FAAH2: variants seen among roughly 807,000 people sequenced by gnomAD.
FAAH2 encodes the protein fatty acid amide hydrolase 2.
In FAAH2, 60 loss-of-function variants were observed where a neutral mutation model predicts 36.9. The ratio of observed to expected loss-of-function variants is 1.63; its 90% confidence interval spans 1.32 to 2.02. FAAH2 has a LOEUF of 2.02. FAAH2 is among the 30% of genes most tolerant of loss of function. The pLI, the probability that FAAH2 is intolerant of heterozygous loss-of-function variation, is 0.00. For missense variants in FAAH2, 689 were observed against 397.5 expected (o/e 1.73, Z -6.23); for synonymous variants, 214 against 143.8 (o/e 1.49, Z -3.49).
chrX:57,397,213 C>T (rs2055327403), intron 7 of FAAH2, among the ~76,000 whole-genome samples: 1 of 111,431 alleles, frequency 9.0e-6, no homozygotes, highest in Non-Finnish European at 1.9e-5. Flanking sequence ...CTTTTTCATC[C>T]AATATGCCAG....
At chrX:57,281,847 T>A (rs2499549), upstream of FAAH2, among the ~76,000 whole-genome samples, 49,902 of 110,511 alleles carry the variant, frequency 0.45, 11,350 homozygotes, top group African/African-American at 0.88. Context: ...GTGATAGTTT[T>A]CTTAGGATAA....
chrX:57,449,258 G>C (rs1340934423), intron 10 of FAAH2, among the ~76,000 whole-genome samples: 1 of 111,979 alleles, frequency 8.9e-6, no homozygotes, highest in African/African-American at 3.2e-5. Context: ...TACTAGGTCA[G>C]TTTCTATGGT....
the FAAH2 span, among the ~76,000 whole-genome samples, chrX:57,231,257 C>T: frequency 9.0e-6 from 1 of 111,038 alleles, no homozygotes; most frequent in East Asian, 2.8e-4. Flanking sequence ...AAGATCAAAA[C>T]TACCCACTCT....
chrX:57,355,598 T>C (rs1002273804), intron 5 of FAAH2, among the ~76,000 whole-genome samples: 7 of 111,176 alleles, frequency 6.3e-5, no homozygotes, highest in Non-Finnish European at 1.3e-4. Flanking sequence ...AGATTGTTCA[T>C]TATTAGTTCA....
intron 8 of FAAH2, among the ~76,000 whole-genome samples, chrX:57,438,870 C>T (rs1420815241): frequency 1.9e-3 from 205 of 106,622 alleles, no homozygotes; most frequent in Middle Eastern, 4.7e-3. Context: ...TTTGTCCTTG[C>T]GATAGTTTGC....
At chrX:57,282,912 G>A (rs2051767009), upstream of FAAH2, among the ~76,000 whole-genome samples, 1 of 112,286 alleles carries the variant, frequency 8.9e-6, no homozygotes, top group South Asian at 3.7e-4. Context: ...CTTGTGGTGA[G>A]CTCATCTTTA....
rs1157271850 is a variant in FAAH2, at chrX:57,378,660, C to G, written c.752C>G (p.Pro251Arg). Residue 251 changes from proline (P) to arginine (R), a missense_variant, in exon 6 of 11, where the codon CCC becomes CGC. Pro to Arg is a moderately radical substitution (Grantham distance 103, BLOSUM62 -2). Transcript: ENST00000374900. ...CTGTCTATCCTTTCAGGTGTGGTTC[C>G]CAACAAAGGTCAGTTTCCCTTGGCT... ...FGHKPSPGVV[P>R]NKGQFPLAVG... The G allele has an allele frequency of 2.5e-6, 3 of 1,210,997 alleles. No homozygotes were observed. The highest frequency in any genetic ancestry group is 3.5e-5 in the African/African-American group (2 of 57,715).
the FAAH2 span, among the ~76,000 whole-genome samples, chrX:57,176,116 T>C: frequency 8.9e-6 from 1 of 111,956 alleles, no homozygotes; most frequent in East Asian, 2.8e-4. Context: ...TGCATGTCTG[T>C]ATCTCTAGCA....
At chrX:57,132,950 G>A in the FAAH2 span, among the ~76,000 whole-genome samples, 4 of 111,900 alleles carry the variant, frequency 3.6e-5, no homozygotes, top group African/African-American at 1.3e-4. Context: ...AAACATGCCA[G>A]GCCTAAACCT....
At chrX:57,349,223 G>T (rs1026368162) in intron 5 of FAAH2, among the ~76,000 whole-genome samples, 2 of 81,654 alleles carry the variant, frequency 2.4e-5, no homozygotes, top group Admixed American at 1.7e-4. Flanking sequence ...ATATATATGT[G>T]TATGTATGTA....
chrX:57,236,734 C>T, the FAAH2 span, among the ~76,000 whole-genome samples: 7 of 110,630 alleles, frequency 6.3e-5, no homozygotes, highest in Non-Finnish European at 1.3e-4. Flanking sequence ...GATTTGAGTT[C>T]GTTATATATC....
At chrX:57,392,716 C>A (rs1184118161) in intron 7 of FAAH2, 8 of 610,647 alleles carry the variant, frequency 1.3e-5, no homozygotes, top group Non-Finnish European at 2.3e-5. Context: ...GGTGGGGAGT[C>A]CATTGTGCTC....
chrX:57,450,308 A>G (rs751600546), intron 10 of FAAH2, among the ~76,000 whole-genome samples: 5 of 110,024 alleles, frequency 4.5e-5, no homozygotes, highest in African/African-American at 1.7e-4. Context: ...CAGAAATTCT[A>G]TACATTATCT....
In FAAH2 at chrX:57,376,310, C is replaced by T. The variant is rs534109468; in HGVS notation, c.743-2341C>T. The stretch of plus-strand genomic sequence containing the variant: ...TGCAGGTTTGTTACATAGGTGTATA[C>T]GTGCCATGGTGGTTTGTTGCACCCA... On this transcript the variant is annotated intron_variant, in intron 5 of 10. Transcript: ENST00000374900. Among the ~76,000 whole-genome samples, 6 of 110,851 alleles carry T rather than the reference C, an allele frequency of 5.4e-5. No homozygotes were observed. The East Asian group carries it at 8.4e-4, about 16-fold the overall frequency.
rs188293417 is a variant in FAAH2 at position 57,427,289 on chromosome X, T to C, written c.997-4629T>C. ...AAAGAAAGGCCCAGGACCAAATGGA[T>C]TTACAGCTCAATTCTACCCAATGTG... On this transcript the variant is annotated intron_variant, in intron 7 of 10. Coordinates refer to ENST00000374900, the MANE Select transcript of FAAH2 (RefSeq NM_174912.4). Among the ~76,000 whole-genome samples the C allele has an allele frequency of 6.6e-3, 727 of 110,765 alleles. 3 individuals carry two copies. Among genetic ancestry groups the C allele is most frequent in the Non-Finnish European group, 0.011 (591 of 52,748 alleles).
chrX:57,233,796 C>T, the FAAH2 span, among the ~76,000 whole-genome samples: 4 of 112,500 alleles, frequency 3.6e-5, no homozygotes, highest in Non-Finnish European at 5.6e-5. Flanking sequence ...TGCGCCACCA[C>T]GCTGGCTAAT....
At chrX:57,276,791 A>G in the FAAH2 span, among the ~76,000 whole-genome samples, 1 of 112,005 alleles carries the variant, frequency 8.9e-6, no homozygotes, top group African/African-American at 3.2e-5. Context: ...AGAATACTAT[A>G]AGCACCGGTA....
chrX:57,231,066 T>TGTGTGA, the FAAH2 span, among the ~76,000 whole-genome samples: 76 of 108,451 alleles, frequency 7.0e-4, no homozygotes, highest in African/African-American at 2.4e-3. Flanking sequence ...TGTGTGTGTG[T>TGTGTGA]GAGTGTGTGT....
intron 10 of FAAH2, among the ~76,000 whole-genome samples, chrX:57,464,472 A>G (rs1227585528): frequency 1.9e-5 from 2 of 103,488 alleles, no homozygotes; most frequent in Non-Finnish European, 3.9e-5. Context: ...TTTTCTTGAC[A>G]TGGGTTTTGG....
Sources: gnomAD v4.1 joint callset for allele counts (sites outside exome capture counted in the v4.1 genomes callset) on GRCh38, gnomAD v4.1.1 for gene constraint, MANE v1.5 for transcripts, NCBI Gene and HGNC (gene_info 2026-07-23, HGNC 2026-07-21) for gene names.